The following ZNF599 variants were observed in gnomAD, a reference collection of about 807,000 sequenced individuals.
The protein encoded by ZNF599 is zinc finger protein 599.
A neutral mutation model predicts 11.7 loss-of-function variants in ZNF599; 10 were observed. That is an observed-to-expected ratio of 0.86 (90% CI 0.53 to 1.45). The LOEUF (loss-of-function observed/expected upper bound fraction) is 1.45, where lower values mean the gene tolerates loss of function less well. Ranked by LOEUF, ZNF599 falls within the 40% of genes most tolerant of loss-of-function variation. The pLI is 0.00. For synonymous variants in ZNF599, 232 were observed against 253.2 expected (o/e 0.92, Z 0.79); for missense variants, 688 against 713.6 (o/e 0.96, Z 0.41).
rs765204101 is a variant in ZNF599, at chr19:34,759,572, A to G, written c.1229T>C (p.Phe410Ser). ...CGKAFTHRST[F>S]IRHKRTHTGE... is the part of the protein sequence containing the mutation. The stretch of plus-strand genomic sequence containing the variant: ...GGTATGGGTCCTCTTATGTCGGATG[A>G]AAGTGGAGCGATGAGTAAAGGCCTT... Residue 410 changes from phenylalanine (F) to serine (S), a missense_variant, in exon 4 of 4, where the codon TTC becomes TCC. By Grantham distance (155) the Phe-to-Ser change is radical. Transcript: ENST00000329285. 1.5e-5 allele frequency: 25 copies of G among 1,613,756 alleles called. No homozygotes were observed. In the Admixed American group the frequency reaches 4.0e-4, roughly 26 times the overall value.
intron 3 of ZNF599, chr19:34,763,250 A>C (rs1291213046): frequency 6.6e-6 from 1 of 152,228 alleles, no homozygotes; most frequent in Non-Finnish European, 1.5e-5. Context: ...ATATTAATAA[A>C]ATGCAATGAA....
the ZNF599 span, among the ~76,000 whole-genome samples, chr19:34,788,232 G>A: frequency 1.3e-5 from 2 of 152,158 alleles, no homozygotes; most frequent in East Asian, 1.9e-4. Flanking sequence ...CCCAAAGGGC[G>A]ACTGTGTATG....
At position 34,772,950 on chromosome 19, in the gene ZNF599, C is replaced by T. The variant is rs2069194653; in HGVS notation, c.-109G>A. ...GGCTGCGAGGGACCTCAGTCCCCGC[C>T]GTCGTGTAAAATGCACACAAGGTTC... On this transcript the variant is annotated 5_prime_UTR_variant, in exon 1 of 4. Coordinates refer to ENST00000329285, the MANE Select transcript of ZNF599 (RefSeq NM_001007248.3). The T allele has an allele frequency of 3.9e-6, 5 of 1,294,214 alleles. No individual in the cohort carries two copies. Among genetic ancestry groups the T allele is most frequent in the Admixed American group, 3.4e-5 (1 of 29,262 alleles). The allele number at this position is 1,294,214 out of a possible 1,614,324, so 80.2% of individuals were successfully genotyped here.
chr19:34,799,332 C>T, the ZNF599 span, among the ~76,000 whole-genome samples: 1 of 152,174 alleles, frequency 6.6e-6, no homozygotes, highest in African/African-American at 2.4e-5. Context: ...TTCAGACTGA[C>T]TTCTTTCACT....
intron 1 of ZNF599, among the ~76,000 whole-genome samples, chr19:34,770,907 C>T (rs1231043248): frequency 6.6e-6 from 1 of 152,222 alleles, no homozygotes; most frequent in African/African-American, 2.4e-5. Flanking sequence ...GAGAGGCCTG[C>T]ACCTTCCCCT....
chr19:34,758,890 T>C lies in ZNF599; in HGVS notation c.*144A>G, dbSNP rs1356090527. 5.3e-6 allele frequency: 4 copies of C among 756,500 alleles called. No homozygotes were observed. The African/African-American group carries it at 7.1e-5, about 13-fold the overall frequency. 46.9% of individuals were successfully genotyped at this position (756,500 alleles called of 1,614,324 possible). The stretch of plus-strand genomic sequence containing the variant: ...AAAGATTTCACAGGGACAATTCTGT[T>C]TCTAGTTAGTATAAATTATCAGATA... On this transcript the variant is annotated 3_prime_UTR_variant, in exon 4 of 4. Transcript: ENST00000329285.
chr19:34,781,294 A>T, the ZNF599 span, among the ~76,000 whole-genome samples: 1 of 152,200 alleles, frequency 6.6e-6, no homozygotes, highest in Non-Finnish European at 1.5e-5. Context: ...AAGAAAGAAG[A>T]AAAAGAAAAA....
At chr19:34,792,176 G>A in the ZNF599 span, among the ~76,000 whole-genome samples, 2 of 152,150 alleles carry the variant, frequency 1.3e-5, no homozygotes, top group African/African-American at 4.8e-5. Flanking sequence ...CTGTTCATGG[G>A]CAAGCCCTTC....
At chr19:34,795,267 G>A in the ZNF599 span, among the ~76,000 whole-genome samples, 1 of 152,120 alleles carries the variant, frequency 6.6e-6, no homozygotes, top group Non-Finnish European at 1.5e-5. Context: ...CAGGTGGCCT[G>A]CTAGTAAATC....
intron 3 of ZNF599, chr19:34,763,299 T>A (rs1340350164): frequency 6.6e-6 from 1 of 152,232 alleles, no homozygotes; most frequent in Non-Finnish European, 1.5e-5. Flanking sequence ...CATTGACTAA[T>A]GATGACAATG....
chr19:34,772,851 G>C lies in ZNF599; in HGVS notation c.-10C>G, dbSNP rs929398688. 2 of 1,497,098 alleles carry C rather than the reference G, an allele frequency of 1.3e-6. No homozygotes were observed. Among genetic ancestry groups the C allele is most frequent in the African/African-American group, 2.9e-5 (2 of 69,186 alleles). The allele number at this position is 1,497,098 out of a possible 1,614,324, so 92.7% of individuals were successfully genotyped here. Reference sequence around the variant, plus strand: ...ACGCCGGCGCCGCCATGGGCCCAGGGGGCTGGGTGAGGCCGTGAGAGTCGG... The same window carrying C: ...ACGCCGGCGCCGCCATGGGCCCAGGCGGCTGGGTGAGGCCGTGAGAGTCGG... On this transcript the variant is annotated 5_prime_UTR_variant, in exon 1 of 4. Transcript: ENST00000329285.
At chr19:34,783,904 C>G in the ZNF599 span, among the ~76,000 whole-genome samples, 1 of 152,174 alleles carries the variant, frequency 6.6e-6, no homozygotes, top group Non-Finnish European at 1.5e-5. Context: ...TGCTACCCAA[C>G]TCCTGGCCCA....
intron 3 of ZNF599, chr19:34,764,390 T>C (rs994666534): frequency 3.3e-5 from 5 of 152,240 alleles, no homozygotes; most frequent in African/African-American, 1.2e-4. Flanking sequence ...GCTAATCATA[T>C]GCCCACACTT....
chr19:34,773,649 G>C (rs2069200967), upstream of ZNF599, among the ~76,000 whole-genome samples: 2 of 152,046 alleles, frequency 1.3e-5, no homozygotes, highest in Admixed American at 1.3e-4. Context: ...CATTACCTGC[G>C]AATTTGTTAC....
chr19:34,764,948 C>T (rs898805110), intron 3 of ZNF599: 1 of 151,646 alleles, frequency 6.6e-6, no homozygotes, highest in Admixed American at 6.6e-5. Flanking sequence ...GTGTAGATGT[C>T]TCTTCAAAGA....
the ZNF599 span, among the ~76,000 whole-genome samples, chr19:34,802,428 C>A: frequency 6.6e-6 from 1 of 152,128 alleles, no homozygotes; most frequent in Non-Finnish European, 1.5e-5. Context: ...AAAGGTATGT[C>A]CAGGCCCAAG....
At chr19:34,786,508 A>T in the ZNF599 span, among the ~76,000 whole-genome samples, 1 of 152,126 alleles carries the variant, frequency 6.6e-6, no homozygotes, top group Non-Finnish European at 1.5e-5. Flanking sequence ...GTAACCCAGC[A>T]CCACCAACTA....
At chr19:34,765,463 T>C (rs1405775456) in intron 3 of ZNF599, 1 of 663,996 alleles carries the variant, frequency 1.5e-6, no homozygotes, top group Non-Finnish European at 2.7e-6. Context: ...GGACTCCCAA[T>C]CCATAGGTGG....
chr19:34,760,269 G>T lies in ZNF599; in HGVS notation c.532C>A (p.Leu178Ile). Residue 178 changes from leucine to isoleucine, a missense_variant, in exon 4 of 4, where the codon CTC (leucine) becomes ATC (isoleucine). Coordinates refer to ENST00000329285, the MANE Select transcript of ZNF599 (RefSeq NM_001007248.3). ...LQERVTPQDALHECDSQGPGK... is the reference protein window; with the variant it reads ...LQERVTPQDAIHECDSQGPGK... ...GGTCCTTGAGAGTCACACTCATGGA[G>T]AGCATCTTGTGGAGTGACTCGTTCC... The T allele has an allele frequency of 6.2e-7, 1 of 1,614,154 alleles. No individual in the cohort carries two copies.
Sources: allele counts gnomAD v4.1 joint callset (sites outside exome capture counted in the v4.1 genomes callset), GRCh38; gene constraint gnomAD v4.1.1; transcripts MANE v1.5; gene names NCBI Gene and HGNC (gene_info 2026-07-23, HGNC 2026-07-21).